The following SLC25A21 variants were observed in gnomAD, a reference collection of about 807,000 sequenced individuals.
SLC25A21 encodes the protein mitochondrial 2-oxodicarboxylate carrier.
Under a neutral mutation model 43.8 loss-of-function variants are expected in SLC25A21, and 47 were observed. That is an observed-to-expected ratio of 1.07 (90% CI 0.85 to 1.37). SLC25A21 has a LOEUF of 1.37. Among genes scored for constraint, SLC25A21 ranks in the 40% most tolerant of loss-of-function variants. The probability of loss-of-function intolerance (pLI) is 0.00; values close to 1 mark genes in which losing one functional copy is unlikely to be tolerated. For missense variants in SLC25A21, 352 were observed against 350.2 expected, an observed-to-expected ratio of 1.00 and a Z score of -0.04; for synonymous variants, 131 against 121.3, an observed-to-expected ratio of 1.08 and a Z score of -0.52.
intron 1 of SLC25A21, among the ~76,000 whole-genome samples, chr14:37,121,745 C>T (rs143533804): frequency 6.6e-6 from 1 of 152,068 alleles, no homozygotes; most frequent in Non-Finnish European, 1.5e-5. Flanking sequence ...GCCAAGATCG[C>T]GCCACTGCAC....
chr14:36,929,242 G>A (rs1464967928), intron 1 of SLC25A21, among the ~76,000 whole-genome samples: 3 of 152,190 alleles, frequency 2.0e-5, no homozygotes, highest in East Asian at 3.9e-4. Flanking sequence ...AGAACACAGT[G>A]GTCTGTAACA....
chr14:37,100,987 C>T (rs918665872), intron 1 of SLC25A21, among the ~76,000 whole-genome samples: 1 of 152,166 alleles, frequency 6.6e-6, no homozygotes, highest in Non-Finnish European at 1.5e-5. Context: ...TTCTCTTTCG[C>T]TGACAGCCGA....
intron 1 of SLC25A21, among the ~76,000 whole-genome samples, chr14:36,916,266 T>C (rs900253229): frequency 2.0e-5 from 3 of 152,138 alleles, no homozygotes; most frequent in Non-Finnish European, 4.4e-5. Context: ...TAAAATGACA[T>C]AGAAAGGAGC....
intron 3 of SLC25A21, among the ~76,000 whole-genome samples, chr14:36,797,632 T>C (rs1466317118): frequency 2.6e-5 from 4 of 152,344 alleles, no homozygotes; most frequent in African/African-American, 7.2e-5. Flanking sequence ...GCATCTTCCT[T>C]TTCAAGGTTT....
chr14:36,682,853 A>G (rs1287576754), intron 9 of SLC25A21, among the ~76,000 whole-genome samples: 2 of 152,174 alleles, frequency 1.3e-5, no homozygotes, highest in African/African-American at 2.4e-5. Flanking sequence ...AATATATGAA[A>G]GTGTGAGCTG....
At chr14:37,047,913 T>C (rs1423167394) in intron 1 of SLC25A21, among the ~76,000 whole-genome samples, 2 of 152,216 alleles carry the variant, frequency 1.3e-5, no homozygotes, top group African/African-American at 4.8e-5. Context: ...CTGTAGGTGT[T>C]GGATTTTATA....
intron 1 of SLC25A21, among the ~76,000 whole-genome samples, chr14:36,940,443 G>C (rs1198149208): frequency 6.6e-6 from 1 of 152,036 alleles, no homozygotes; most frequent in African/African-American, 2.4e-5. Flanking sequence ...GGGATTGACA[G>C]TATTTTAACT....
At chr14:36,818,291 G>C (rs1332000385) in intron 2 of SLC25A21, among the ~76,000 whole-genome samples, 1 of 152,200 alleles carries the variant, frequency 6.6e-6, no homozygotes, top group Non-Finnish European at 1.5e-5. Context: ...TTTACCCACA[G>C]ATTTTAGAAC....
At chr14:36,874,270 T>C (rs1463565084) in intron 2 of SLC25A21, among the ~76,000 whole-genome samples, 1 of 152,232 alleles carries the variant, frequency 6.6e-6, no homozygotes, top group African/African-American at 2.4e-5. Context: ...GGGTTTCATA[T>C]AGTGCAAATA....
intron 2 of SLC25A21, among the ~76,000 whole-genome samples, chr14:36,823,085 T>C (rs1376314663): frequency 1.3e-5 from 2 of 152,200 alleles, no homozygotes; most frequent in Non-Finnish European, 2.9e-5. Context: ...TTCCACCCTC[T>C]GGCACAAGTT....
At chr14:36,950,417 A>G (rs550210909) in intron 1 of SLC25A21, among the ~76,000 whole-genome samples, 13 of 152,280 alleles carry the variant, frequency 8.5e-5, no homozygotes, top group Non-Finnish European at 1.6e-4. Flanking sequence ...AGGAAGAAAT[A>G]CCGAAGATAT....
chr14:36,871,719 A>G (rs1221163916), intron 2 of SLC25A21, among the ~76,000 whole-genome samples: 1 of 152,202 alleles, frequency 6.6e-6, no homozygotes, highest in Non-Finnish European at 1.5e-5. Flanking sequence ...GTATTCCGAG[A>G]GTACTGGATT....
chr14:36,833,054 A>G (rs1213253227), intron 2 of SLC25A21, among the ~76,000 whole-genome samples: 2 of 152,242 alleles, frequency 1.3e-5, no homozygotes, highest in African/African-American at 4.8e-5. Context: ...GTCTATCTAT[A>G]AAGTGCATAG....
chr14:36,697,073 C>T lies in SLC25A21; in HGVS notation c.604-12148G>A, dbSNP rs929658183. On this transcript the variant is annotated intron_variant, in intron 7 of 9. Transcript: ENST00000331299. Reference sequence around the variant, plus strand: ...GTGCTATAAATTTCCCTGTACACACCGCTTTAAATGTGTCCCAGAGATTCT... The same window carrying T: ...GTGCTATAAATTTCCCTGTACACACTGCTTTAAATGTGTCCCAGAGATTCT... Among the ~76,000 whole-genome samples the T allele has an allele frequency of 2.2e-4, 34 of 152,004 alleles. 1 individual carries two copies. The highest frequency in any genetic ancestry group is 1.2e-4 in the Non-Finnish European group (8 of 67,982).
chr14:36,799,295 A>T (rs563043562), intron 3 of SLC25A21, among the ~76,000 whole-genome samples: 1 of 152,184 alleles, frequency 6.6e-6, no homozygotes, highest in Non-Finnish European at 1.5e-5. Context: ...AATGAGATCC[A>T]CAAACATGAA....
intron 1 of SLC25A21, among the ~76,000 whole-genome samples, chr14:36,932,714 T>C (rs1008558164): frequency 3.3e-5 from 5 of 151,928 alleles, no homozygotes; most frequent in Non-Finnish European, 4.4e-5. Context: ...GACCTGAGAA[T>C]AGTAAAACTA....
intron 8 of SLC25A21, 56 bp downstream of exon 8, chr14:36,684,688 G>C: frequency 6.7e-7 from 1 of 1,503,084 alleles, no homozygotes; most frequent in Non-Finnish European, 9.0e-7. Context: ...GGACAATACG[G>C]TTCTAACAAT....
chr14:36,845,715 C>T (rs1372856981), intron 2 of SLC25A21, among the ~76,000 whole-genome samples: 4 of 152,240 alleles, frequency 2.6e-5, no homozygotes, highest in African/African-American at 7.2e-5. Flanking sequence ...GACTTGCTAT[C>T]AGCTTCCATC....
At chr14:37,136,243 T>A (rs115509772) in intron 1 of SLC25A21, among the ~76,000 whole-genome samples, 116 of 152,334 alleles carry the variant, frequency 7.6e-4, no homozygotes, top group African/African-American at 2.5e-3. Flanking sequence ...AACTATTAAT[T>A]AAAATGGTCT....
Sources: allele counts gnomAD v4.1 joint callset (sites outside exome capture counted in the v4.1 genomes callset), GRCh38; gene constraint gnomAD v4.1.1; transcripts MANE v1.5; gene names NCBI Gene and HGNC (gene_info 2026-07-23, HGNC 2026-07-21).